CDH19: variants seen among roughly 807,000 people sequenced by gnomAD.
CDH19 encodes the protein cadherin 19, also known as cadherin-19.
A neutral mutation model predicts 64.2 loss-of-function variants in CDH19; 67 were observed. The ratio of observed to expected loss-of-function variants is 1.04; its 90% CI spans 0.86 to 1.28. The LOEUF (loss-of-function observed/expected upper bound fraction) is 1.28. Ranked by LOEUF, CDH19 falls within the 50% of genes most tolerant of loss-of-function variation. The probability of loss-of-function intolerance (pLI) is 0.00; values close to 1 mark genes in which losing one functional copy is unlikely to be tolerated. For missense variants in CDH19, 1,030 were observed against 929.0 expected (o/e 1.11, Z -1.41); for synonymous variants, 346 against 319.3 (o/e 1.08, Z -0.89).
At chr18:66,582,727 T>G (rs952712315) in intron 1 of CDH19, among the ~76,000 whole-genome samples, 46 of 151,412 alleles carry the variant, frequency 3.0e-4, no homozygotes, top group African/African-American at 1.1e-3. Flanking sequence ...GATGCCCTCT[T>G]TGACATTACA....
intron 1 of CDH19, among the ~76,000 whole-genome samples, chr18:66,589,495 G>T (rs1988680907): frequency 6.6e-6 from 1 of 151,748 alleles, no homozygotes. Flanking sequence ...TGCTGATGTT[G>T]TGATAGTAGC....
intron 1 of CDH19, among the ~76,000 whole-genome samples, chr18:66,599,586 G>T (rs1309766095): frequency 6.6e-6 from 1 of 151,980 alleles, no homozygotes; most frequent in South Asian, 2.1e-4. Flanking sequence ...AATATTTGAG[G>T]TGATGGATAT....
chr18:66,596,487 T>C (rs1988891586), intron 1 of CDH19, among the ~76,000 whole-genome samples: 1 of 152,048 alleles, frequency 6.6e-6, no homozygotes, highest in Non-Finnish European at 1.5e-5. Flanking sequence ...CAAAAATCAG[T>C]AACATTTCTA....
rs1382949874 is a variant in CDH19, at chr18:66,593,730, G to A, written c.-113+10224C>T. Among the ~76,000 whole-genome samples the A allele has an allele frequency of 4.0e-5, 6 of 151,802 alleles. No individual in the cohort carries two copies. In the East Asian group the frequency reaches 5.8e-4, roughly 15 times the overall value. ...GTTTCCAATTCTGATCTTTTATATC[G>A]GCCTTCAATTAAGAAAAATTAATAA... On this transcript the variant is annotated intron_variant, in intron 1 of 11. Transcript: ENST00000262150.
chr18:66,594,987 C>G (rs948384406), intron 1 of CDH19, among the ~76,000 whole-genome samples: 3 of 149,624 alleles, frequency 2.0e-5, no homozygotes, highest in Non-Finnish European at 4.4e-5. Context: ...CACATGTACC[C>G]TAAAACTTAA....
intron 1 of CDH19, among the ~76,000 whole-genome samples, chr18:66,594,797 T>C (rs578232301): frequency 4.8e-4 from 65 of 134,642 alleles, no homozygotes; most frequent in African/African-American, 1.6e-3. Flanking sequence ...TAGGTGGGAA[T>C]TGAACAATGA....
intron 1 of CDH19, among the ~76,000 whole-genome samples, chr18:66,592,419 A>T (rs1988771071): frequency 6.6e-6 from 1 of 151,888 alleles, no homozygotes; most frequent in Non-Finnish European, 1.5e-5. Flanking sequence ...CTTTTTAAAA[A>T]GTATAAATTA....
intron 5 of CDH19, 80 bp from the exon 6 acceptor site, chr18:66,544,983 T>C (rs1417729807): frequency 4.4e-6 from 5 of 1,140,558 alleles, no homozygotes. Context: ...GTTTGTTTGT[T>C]TGTTTGTTTT....
At chr18:66,599,591 G>T (rs1375250602) in intron 1 of CDH19, among the ~76,000 whole-genome samples, 2 of 151,900 alleles carry the variant, frequency 1.3e-5, no homozygotes, top group East Asian at 3.8e-4. Flanking sequence ...TTGAGGTGAT[G>T]GATATATTAA....
intron 3 of CDH19, among the ~76,000 whole-genome samples, chr18:66,561,540 G>C (rs555528816): frequency 6.6e-6 from 1 of 152,212 alleles, no homozygotes; most frequent in South Asian, 2.1e-4. Flanking sequence ...TTAAATTAAT[G>C]AGATCCTTGA....
At chr18:66,559,725 TTTAG>T (rs1275123645) in intron 3 of CDH19, among the ~76,000 whole-genome samples, 1 of 150,772 alleles carries the variant, frequency 6.6e-6, no homozygotes, top group African/African-American at 2.4e-5. Context: ...TGAAACCTAT[TTTAG>T]TTAAATATAT....
intron 3 of CDH19, among the ~76,000 whole-genome samples, chr18:66,562,162 T>C (rs549101893): frequency 3.3e-5 from 5 of 151,716 alleles, no homozygotes; most frequent in Non-Finnish European, 7.4e-5. Flanking sequence ...CTGGGGATGA[T>C]TAAAGCGCAT....
intron 1 of CDH19, among the ~76,000 whole-genome samples, chr18:66,585,090 T>A (rs1599036103): frequency 6.6e-6 from 1 of 152,092 alleles, no homozygotes; most frequent in Admixed American, 6.6e-5. Flanking sequence ...CATTAAAAAA[T>A]TTATGTCAAC....
intron 1 of CDH19, among the ~76,000 whole-genome samples, chr18:66,603,029 T>G (rs1053893839): frequency 1.3e-4 from 20 of 151,094 alleles, no homozygotes; most frequent in Non-Finnish European, 2.7e-4. Flanking sequence ...TTCAAATATT[T>G]TATCTAAATA....
chr18:66,503,956 CTA>C lies in CDH19; in HGVS notation c.*854_*855del, dbSNP rs1449591152. On this transcript the variant is annotated 3_prime_UTR_variant, in exon 12 of 12. Transcript: ENST00000262150. ...GGTGTTAAAGTTTTAAAGTTTATCT[CTA>C]TATAGTATCAGGAACTTAACCACAA... 3.3e-5 allele frequency: 5 copies of C among 151,836 alleles called. No homozygotes were observed. Among genetic ancestry groups the C allele is most frequent in the African/African-American group, 1.2e-4 (5 of 41,384 alleles). The allele number at this position is 151,836 out of a possible 1,614,324, so 9.4% of individuals were successfully genotyped here.
At chr18:66,602,499 C>T (rs1989061377) in intron 1 of CDH19, among the ~76,000 whole-genome samples, 1 of 151,510 alleles carries the variant, frequency 6.6e-6, no homozygotes, top group Non-Finnish European at 1.5e-5. Flanking sequence ...TACAAACATT[C>T]CTAAGTGAAA....
chr18:66,541,906 C>T (rs953010509), intron 7 of CDH19, among the ~76,000 whole-genome samples: 3 of 152,050 alleles, frequency 2.0e-5, no homozygotes, highest in Admixed American at 1.3e-4. Flanking sequence ...ATATATGTAG[C>T]ATTTTCACAT....
rs565476714 is a variant in CDH19, at chr18:66,578,876, C to T, written c.-112-6560G>A. Among the ~76,000 whole-genome samples, 3 of 151,896 alleles carry T rather than the reference C, an allele frequency of 2.0e-5. No individual in the cohort carries two copies. In the East Asian group the frequency reaches 5.8e-4, roughly 29 times the overall value. ...CCAAAATAATAATGAGTAAAACAAG[C>T]CTGCCAACAAATTCAGGTTGTGTGT... is the stretch of plus-strand genomic sequence containing the variant. On this transcript the variant is annotated intron_variant, in intron 1 of 11. Coordinates refer to ENST00000262150, the MANE Select transcript of CDH19 (RefSeq NM_021153.4).
chr18:66,514,785 A>G (rs1001515662), intron 9 of CDH19, among the ~76,000 whole-genome samples: 1 of 151,572 alleles, frequency 6.6e-6, no homozygotes, highest in African/African-American at 2.4e-5. Context: ...ATCATTCCAG[A>G]TTAATTATCC....
Sources: gnomAD v4.1 joint callset for allele counts (sites outside exome capture counted in the v4.1 genomes callset) on GRCh38, gnomAD v4.1.1 for gene constraint, MANE v1.5 for transcripts, NCBI Gene and HGNC (gene_info 2026-07-23, HGNC 2026-07-21) for gene names.